PLCXD3: variants seen among roughly 807,000 people sequenced by gnomAD.
PLCXD3 encodes the protein phosphatidylinositol specific phospholipase C X domain containing 3, also known as PI-PLC X domain-containing protein 3.
Under a neutral mutation model 25.5 loss-of-function variants are expected in PLCXD3, and 19 were observed. The ratio of observed to expected loss-of-function variants is 0.75; its 90% CI spans 0.52 to 1.09. PLCXD3 has a LOEUF of 1.09. Among genes scored for constraint, PLCXD3 ranks in the 50% least tolerant of loss-of-function variants. PLCXD3 has a pLI of 0.00. For missense variants in PLCXD3, 411 were observed against 388.1 expected, an observed-to-expected ratio of 1.06 and a Z score of -0.50; for synonymous variants, 174 against 137.6, an observed-to-expected ratio of 1.26 and a Z score of -1.85.
chr5:41,378,294 T>C (rs1745356219), intron 2 of PLCXD3, among the ~76,000 whole-genome samples: 1 of 152,062 alleles, frequency 6.6e-6, no homozygotes, highest in Non-Finnish European at 1.5e-5. Context: ...AATATAACAT[T>C]CAGAATACAG....
chr5:41,413,594 T>C (rs9654393), intron 1 of PLCXD3, among the ~76,000 whole-genome samples: 87,088 of 152,032 alleles, frequency 0.57, 25,514 homozygotes, highest in South Asian at 0.71. Flanking sequence ...ACTTTTCCAT[T>C]ATTTGTTTCT....
chr5:41,468,862 C>G (rs974804502), intron 1 of PLCXD3, among the ~76,000 whole-genome samples: 9 of 152,040 alleles, frequency 5.9e-5, no homozygotes, highest in Admixed American at 2.6e-4. Context: ...ATGAGTATGA[C>G]TTTTATTTCT....
At chr5:41,341,811 T>A (rs2150477982) in intron 2 of PLCXD3, among the ~76,000 whole-genome samples, 1 of 152,312 alleles carries the variant, frequency 6.6e-6, no homozygotes, top group Admixed American at 6.5e-5. Context: ...AAAGTTGTCA[T>A]CTAGTTATTG....
In PLCXD3 at chr5:41,307,259, A is replaced by C. The variant is rs1361486279; in HGVS notation, c.*6358T>G. ...TGTAAGCAGGAGTCATGAGATGGACATGTTATATTAAAGGATTTGGATTTT... is the reference window on the plus strand; with the variant it reads ...TGTAAGCAGGAGTCATGAGATGGACCTGTTATATTAAAGGATTTGGATTTT... On this transcript the variant is annotated 3_prime_UTR_variant, in exon 3 of 3. Coordinates refer to ENST00000377801, the MANE Select transcript of PLCXD3 (RefSeq NM_001005473.3). 1 of 152,600 alleles carries C rather than the reference A, an allele frequency of 6.6e-6. No homozygotes were observed. Among genetic ancestry groups the C allele is most frequent in the African/African-American group, 2.4e-5 (1 of 41,452 alleles). The allele number at this position is 152,600 out of a possible 1,614,324, so 9.5% of individuals were successfully genotyped here.
intron 1 of PLCXD3, among the ~76,000 whole-genome samples, chr5:41,476,271 GCTTT>G (rs1748282195): frequency 6.6e-6 from 1 of 152,124 alleles, no homozygotes; most frequent in Non-Finnish European, 1.5e-5. Context: ...CCTTAGAAAG[GCTTT>G]ATTACAAGGT....
At chr5:41,443,078 G>A (rs1387214534) in intron 1 of PLCXD3, among the ~76,000 whole-genome samples, 5 of 148,344 alleles carry the variant, frequency 3.4e-5, no homozygotes, top group Admixed American at 1.4e-4. Context: ...TACATATCCA[G>A]AGGCTGTATA....
intron 1 of PLCXD3, among the ~76,000 whole-genome samples, chr5:41,460,599 C>G (rs1747852024): frequency 6.6e-6 from 1 of 151,920 alleles, no homozygotes; most frequent in African/African-American, 2.4e-5. Context: ...CCTTGGTGAG[C>G]AGGAAATTAA....
At position 41,313,698 on chromosome 5, in the gene PLCXD3, G is replaced by C; in HGVS notation, c.885C>G (p.Ala295=). ...PGESGINIVT[A]DFVELGDFIS... ...TAAAGTCACCAAGTTCTACAAAATC[G>C]GCAGTGACAATATTGATGCCACTCT... Residue 295 remains alanine (A), a synonymous_variant, in exon 3 of 3, where the codon GCC becomes GCG. Coordinates refer to ENST00000377801, the MANE Select transcript of PLCXD3 (RefSeq NM_001005473.3). The C allele has an allele frequency of 6.2e-7, 1 of 1,613,718 alleles. No individual in the cohort carries two copies. Among genetic ancestry groups the C allele is most frequent in the Middle Eastern group, 1.7e-4 (1 of 6,060 alleles).
chr5:41,332,671 A>G (rs939922525), intron 2 of PLCXD3, among the ~76,000 whole-genome samples: 6 of 152,126 alleles, frequency 3.9e-5, no homozygotes, highest in African/African-American at 1.2e-4. Flanking sequence ...ACTATTCACA[A>G]TAGCAAAGAC....
intron 2 of PLCXD3, among the ~76,000 whole-genome samples, chr5:41,349,884 A>G (rs906619764): frequency 6.6e-6 from 1 of 152,084 alleles, no homozygotes; most frequent in Non-Finnish European, 1.5e-5. Context: ...TAAATTCCCA[A>G]AGGAAAGTTC....
chr5:41,347,251 A>G (rs574140021), intron 2 of PLCXD3, among the ~76,000 whole-genome samples: 1 of 152,340 alleles, frequency 6.6e-6, no homozygotes, highest in East Asian at 1.9e-4. Flanking sequence ...TTTCCAAATT[A>G]AAATGTCAAA....
Position 41,437,707 on chromosome 5 carries a change from G to A in PLCXD3, c.104-55173C>T, listed in dbSNP as rs550054. On this transcript the variant is annotated intron_variant, in intron 1 of 2. Transcript: ENST00000377801. ...CGTAGGTCAGATAGATACCATGTCT[G>A]GTACGTACTGGCAAAAAGTTTGGAC... Among the ~76,000 whole-genome samples the A allele has an allele frequency of 7.3e-3, 1,108 of 152,268 alleles. 14 individuals carry two copies. The highest frequency in any genetic ancestry group is 0.026 in the African/African-American group (1,066 of 41,568).
At chr5:41,329,523 T>A (rs991339511) in intron 2 of PLCXD3, among the ~76,000 whole-genome samples, 3 of 152,250 alleles carry the variant, frequency 2.0e-5, no homozygotes, top group Admixed American at 2.0e-4. Flanking sequence ...CTACTCAGTA[T>A]TCCTCATGTG....
chr5:41,475,600 C>T (rs1748264982), intron 1 of PLCXD3: 1 of 534,520 alleles, frequency 1.9e-6, no homozygotes, highest in African/African-American at 1.9e-5. Context: ...CTTCAGGTCC[C>T]TTCAGGTCTC....
chr5:41,398,557 T>G (rs895516247), intron 1 of PLCXD3, among the ~76,000 whole-genome samples: 1 of 152,142 alleles, frequency 6.6e-6, no homozygotes, highest in Non-Finnish European at 1.5e-5. Context: ...ATCCCTGAGA[T>G]GAAGTATAGT....
At chr5:41,493,215 G>A (rs1459180297) in intron 1 of PLCXD3, among the ~76,000 whole-genome samples, 1 of 152,198 alleles carries the variant, frequency 6.6e-6, no homozygotes, top group Non-Finnish European at 1.5e-5. Flanking sequence ...CTGTTTGCCT[G>A]GGTACCAGCA....
intron 2 of PLCXD3, among the ~76,000 whole-genome samples, chr5:41,324,109 G>A (rs1303756576): frequency 6.6e-6 from 1 of 152,102 alleles, no homozygotes; most frequent in Non-Finnish European, 1.5e-5. Context: ...AAAATCAGAA[G>A]CATTTAAGGG....
intron 1 of PLCXD3, among the ~76,000 whole-genome samples, chr5:41,442,449 G>T (rs560350484): frequency 3.9e-5 from 6 of 152,228 alleles, no homozygotes; most frequent in Non-Finnish European, 7.4e-5. Context: ...CTGCTAACCT[G>T]CCCCAAACAC....
chr5:41,400,171 A>G (rs1015610389), intron 1 of PLCXD3, among the ~76,000 whole-genome samples: 1 of 152,008 alleles, frequency 6.6e-6, no homozygotes, highest in Non-Finnish European at 1.5e-5. Context: ...TGGCTTATAT[A>G]CAAAGAGAGC....
Sources: allele counts gnomAD v4.1 joint callset (sites outside exome capture counted in the v4.1 genomes callset), GRCh38; gene constraint gnomAD v4.1.1; transcripts MANE v1.5; gene names NCBI Gene and HGNC (gene_info 2026-07-23, HGNC 2026-07-21).